Variants in SP4 observed in about 807,000 individuals in gnomAD.
SP4 encodes the protein Sp4 transcription factor, also known as transcription factor Sp4.
In SP4, 19 loss-of-function variants were observed where a neutral mutation model predicts 72.8. That is an observed-to-expected ratio of 0.26 (90% CI 0.18 to 0.38). SP4 has a LOEUF of 0.38. SP4 is among the 10% of genes least tolerant of loss of function. The pLI is 1.00. For synonymous variants in SP4, 395 were observed against 333.1 expected (o/e 1.19, Z -2.02); for missense variants, 1,008 against 926.3 (o/e 1.09, Z -1.14).
chr7:21,455,191 C>G lies in SP4; in HGVS notation c.1679-21888C>G, dbSNP rs143002650. On this transcript the variant is annotated intron_variant, in intron 3 of 5. Coordinates refer to ENST00000222584, the MANE Select transcript of SP4 (RefSeq NM_003112.5). The stretch of plus-strand genomic sequence containing the variant: ...GTGGCTGAGCTTGTGGCAGAGGGGT[C>G]AAGCTGTGCAGGGATTTTTCCCTGA... Among the ~76,000 whole-genome samples the G allele has an allele frequency of 1.7e-4, 26 of 152,222 alleles. No individual in the cohort carries two copies. The East Asian group carries it at 4.6e-3, about 27-fold the overall frequency.
intron 4 of SP4, among the ~76,000 whole-genome samples, chr7:21,478,918 A>G (rs1784595408): frequency 6.6e-6 from 1 of 152,010 alleles, no homozygotes; most frequent in Non-Finnish European, 1.5e-5. Context: ...AAAATACAAA[A>G]TTAGCCAAGC....
At chr7:21,431,486 A>G (rs1281360901) in intron 3 of SP4, among the ~76,000 whole-genome samples, 2 of 152,216 alleles carry the variant, frequency 1.3e-5, no homozygotes, top group African/African-American at 4.8e-5. Context: ...ATTATATTTA[A>G]TTAAATCATG....
chr7:21,478,366 T>G (rs1167645200), intron 4 of SP4, among the ~76,000 whole-genome samples: 1 of 152,264 alleles, frequency 6.6e-6, no homozygotes, highest in African/African-American at 2.4e-5. Context: ...TTCATTTCTC[T>G]TGTATTTATA....
chr7:21,477,545 C>A (rs781395373), intron 4 of SP4, among the ~76,000 whole-genome samples: 25 of 152,110 alleles, frequency 1.6e-4, no homozygotes, highest in Non-Finnish European at 3.1e-4. Context: ...CACCCCTCCC[C>A]CACCCCAACA....
chr7:21,469,901 A>G (rs1198370648), intron 3 of SP4, among the ~76,000 whole-genome samples: 1 of 152,030 alleles, frequency 6.6e-6, no homozygotes, highest in Admixed American at 6.6e-5. Context: ...CAAAAAAAAA[A>G]CACCTTGCTG....
In SP4 at chr7:21,477,214, A is replaced by C; in HGVS notation, c.1814A>C (p.Gln605Pro). The C allele has an allele frequency of 6.2e-7, 1 of 1,614,242 alleles. No homozygotes were observed. The highest frequency in any genetic ancestry group is 8.5e-7 in the Non-Finnish European group (1 of 1,180,040). Reference protein sequence around the residue: ...PDQLTQVHLQQGQQTSDQEVQ... With the variant: ...PDQLTQVHLQPGQQTSDQEVQ... ...CAACTCACACAAGTGCATTTGCAGC[A>C]AGGCCAGCAGACTTCTGATCAAGAG... Residue 605 changes from glutamine (Q) to proline (P), a missense_variant, in exon 4 of 6, where the codon CAA (glutamine) becomes CCA (proline). Coordinates refer to ENST00000222584, the MANE Select transcript of SP4 (RefSeq NM_003112.5).
chr7:21,429,004 GA>G (rs1425152979), intron 2 of SP4: 1 of 586,804 alleles, frequency 1.7e-6, no homozygotes, highest in African/African-American at 1.9e-5. Flanking sequence ...CAGACTATAA[GA>G]AAACGGTGTG....
rs746035895 is a variant in SP4, at chr7:21,429,897, G to T, written c.732G>T (p.Gln244His). 1.2e-6 allele frequency: 2 copies of T among 1,614,108 alleles called. No homozygotes were observed. Among genetic ancestry groups the T allele is most frequent in the Admixed American group, 3.3e-5 (2 of 60,016 alleles). ...GTGTTTCAATACCACTGCAGTTACA[G>T]ACTCTTCCTGGTACTCAGGCTCAAG... is the stretch of plus-strand genomic sequence containing the variant. ...RPGVSIPLQL[Q>H]TLPGTQAQVV... The change falls in exon 3 of 6, where the codon CAG (glutamine) becomes CAT (histidine). Residue 244 changes from glutamine (Q) to histidine (H), a missense_variant. Coordinates refer to ENST00000222584, the MANE Select transcript of SP4 (RefSeq NM_003112.5).
At chr7:21,453,806 ATAG>A (rs1307645672) in intron 3 of SP4, among the ~76,000 whole-genome samples, 1 of 152,220 alleles carries the variant, frequency 6.6e-6, no homozygotes, top group Non-Finnish European at 1.5e-5. Flanking sequence ...AATAGTCTGA[ATAG>A]TACCCCTTTA....
chr7:21,469,273 A>G (rs1784257445), intron 3 of SP4, among the ~76,000 whole-genome samples: 1 of 152,202 alleles, frequency 6.6e-6, no homozygotes, highest in Non-Finnish European at 1.5e-5. Context: ...AAGTTGTATC[A>G]GCATCAAAAT....
chr7:21,445,469 C>T (rs1783391280), intron 3 of SP4, among the ~76,000 whole-genome samples: 1 of 152,126 alleles, frequency 6.6e-6, no homozygotes, highest in Admixed American at 6.5e-5. Context: ...GGTCCTGCAA[C>T]TTTATTGTTT....
intron 3 of SP4, among the ~76,000 whole-genome samples, chr7:21,464,180 A>G (rs1461484026): frequency 1.5e-5 from 2 of 132,830 alleles, no homozygotes; most frequent in Non-Finnish European, 3.1e-5. Context: ...GCTGGAGTGC[A>G]TGGCCTCCCG....
intron 5 of SP4, among the ~76,000 whole-genome samples, chr7:21,484,809 C>T (rs1408491091): frequency 6.6e-6 from 1 of 151,766 alleles, no homozygotes; most frequent in Non-Finnish European, 1.5e-5. Context: ...GGTAAAGTCC[C>T]TCTCTCTTAC....
At position 21,428,793 on chromosome 7, in the gene SP4, G is replaced by A; in HGVS notation, c.123+1G>A. The stretch of plus-strand genomic sequence containing the variant: ...AAAACCCAAAACCTCAGGCTCCCAG[G>A]TAAAAGCAAACAAATTAAAAAAATT... On this transcript the variant is annotated splice_donor_variant, in intron 2 of 5. Transcript: ENST00000222584. LOFTEE classifies it high-confidence loss of function. 1 of 1,545,936 alleles carries A rather than the reference G, an allele frequency of 6.5e-7. No individual in the cohort carries two copies. Among genetic ancestry groups the A allele is most frequent in the Non-Finnish European group, 8.7e-7 (1 of 1,145,348 alleles).
intron 3 of SP4, among the ~76,000 whole-genome samples, chr7:21,442,187 C>T (rs1342982277): frequency 6.6e-6 from 1 of 151,336 alleles, no homozygotes. Context: ...TACAGGCACC[C>T]GCCACCACGC....
chr7:21,440,245 G>T (rs2128393995), intron 3 of SP4, among the ~76,000 whole-genome samples: 1 of 152,012 alleles, frequency 6.6e-6, no homozygotes. Context: ...AGTGATATTA[G>T]TTCCTACCTT....
chr7:21,430,096 G>A lies in SP4; in HGVS notation c.931G>A (p.Ala311Thr). The A allele has an allele frequency of 6.2e-7, 1 of 1,614,156 alleles. No homozygotes were observed. Among genetic ancestry groups the A allele is most frequent in the Non-Finnish European group, 8.5e-7 (1 of 1,180,044 alleles). ...VSTPTNTTTSASTMPESPSSS... is the reference protein window; with the variant it reads ...VSTPTNTTTSTSTMPESPSSS... ...CACACCCACCAACACCACTACTTCT[G>A]CCAGTACTATGCCAGAATCTCCCTC... is the stretch of plus-strand genomic sequence containing the variant. The change falls in exon 3 of 6, where the codon GCC becomes ACC. Residue 311 changes from alanine to threonine, a missense_variant. Physicochemically the swap from Ala to Thr is moderately conservative, Grantham distance 58. Transcript: ENST00000222584.
intron 3 of SP4, among the ~76,000 whole-genome samples, chr7:21,472,181 G>A (rs1416348407): frequency 1.3e-5 from 2 of 152,196 alleles, no homozygotes; most frequent in African/African-American, 4.8e-5. Context: ...TAAAAGTTAT[G>A]AAAGTAGATG....
chr7:21,433,381 T>C (rs1317429636), intron 3 of SP4, among the ~76,000 whole-genome samples: 1 of 152,214 alleles, frequency 6.6e-6, no homozygotes, highest in East Asian at 1.9e-4. Flanking sequence ...TGCTCAATCC[T>C]TTTAAAAAGA....
Sources: gnomAD v4.1 joint callset for allele counts (sites outside exome capture counted in the v4.1 genomes callset) on GRCh38, gnomAD v4.1.1 for gene constraint, MANE v1.5 for transcripts, NCBI Gene and HGNC (gene_info 2026-07-23, HGNC 2026-07-21) for gene names.